CHD6: variants seen among roughly 807,000 people sequenced by gnomAD.
The protein encoded by CHD6 is chromodomain helicase DNA binding protein 6, also known as ATP-dependent chromatin remodeler CHD6.
Under a neutral mutation model 276.9 loss-of-function variants are expected in CHD6, and 50 were observed. That is an observed-to-expected ratio of 0.18 (90% CI 0.14 to 0.23). The LOEUF is 0.23. Ranked by LOEUF, CHD6 falls within the 10% of genes least tolerant of loss-of-function variation. CHD6 has a pLI of 1.00. For synonymous variants in CHD6, 1,173 were observed against 1,229.3 expected (o/e 0.95, Z 0.96); for missense variants, 2,564 against 3,365.8 (o/e 0.76, Z 5.89).
chr20:41,467,120 C>T (rs117858359), intron 17 of CHD6, among the ~76,000 whole-genome samples: 2,746 of 152,160 alleles, frequency 0.018, 36 homozygotes, highest in Non-Finnish European at 0.031. Context: ...AAAATAAACC[C>T]CTGTTTGGGA....
rs1458474314 is a variant in CHD6 at position 41,451,046 on chromosome 20, T to A, written c.3583A>T (p.Ile1195Phe). The A allele has an allele frequency of 2.5e-6, 4 of 1,614,000 alleles. No individual in the cohort carries two copies. In the Admixed American group the frequency reaches 6.7e-5, roughly 27 times the overall value. The change falls in exon 23 of 37, where the codon ATC becomes TTC. Residue 1195 changes from isoleucine to phenylalanine, a missense_variant. By Grantham distance (21) the Ile-to-Phe change is conservative. This residue lies in a region of CHD6 where 515 missense variants were observed against 739.5 expected (regional missense o/e 0.70). Coordinates refer to ENST00000373233, the MANE Select transcript of CHD6 (RefSeq NM_032221.5). ...CAATCTGCATCCTTTAGCTCTGGGA[T>A]TAGCAACTGGTTCTTCGTCTTCTTC... ...KGKKTKNQLL[I>F]PELKDADWLA...
At chr20:41,497,716 A>C in intron 7 of CHD6, 1 of 551,802 alleles carries the variant, frequency 1.8e-6, no homozygotes, top group Admixed American at 3.1e-5. Flanking sequence ...ATCTCTCTGC[A>C]GCTTCTAGAG....
intron 18 of CHD6, 51 bp downstream of exon 18, chr20:41,457,213 G>A (rs377112140): frequency 1.3e-5 from 21 of 1,581,904 alleles, no homozygotes; most frequent in Non-Finnish European, 1.8e-5. Flanking sequence ...GCCTGTCTGG[G>A]CTGTGCGACC....
At chr20:41,486,244 A>G (rs1194167498) in intron 14 of CHD6, 1 of 152,200 alleles carries the variant, frequency 6.6e-6, no homozygotes, top group Non-Finnish European at 1.5e-5. Flanking sequence ...ACCTTGAATC[A>G]TTTAGAGTTT....
chr20:41,498,807 A>ATGTGTG (rs753690840), intron 6 of CHD6, among the ~76,000 whole-genome samples: 98 of 117,724 alleles, frequency 8.3e-4, no homozygotes, highest in East Asian at 3.0e-3. Flanking sequence ...GTATGTATGT[A>ATGTGTG]TGTATGTGTG....
rs771561350 is a variant in CHD6 at position 41,413,457 on chromosome 20, C to T, written c.6998G>A (p.Gly2333Glu). 1.5e-5 allele frequency: 24 copies of T among 1,609,920 alleles called. No homozygotes were observed. The highest frequency in any genetic ancestry group is 1.2e-4 in the Admixed American group (7 of 59,634). Residue 2333 changes from glycine (G) to glutamate (E), a missense_variant, in exon 35 of 37, where the codon GGG (glycine) becomes GAG (glutamate). Physicochemically the swap from Gly to Glu is moderately conservative, Grantham distance 98. This residue lies in a region of CHD6 where 1,024 missense variants were observed against 1,047.9 expected (regional missense o/e 0.98). Transcript: ENST00000373233. ...TGGCTCAGGAGCCGAGGTGGCAGGC[C>T]CTGGCCCCTCAGGGTGTGTGGTGCT... ...TLSTTHPEGP[G>E]PATSAPEPAT...
chr20:41,599,745 A>C (rs756323499), intron 1 of CHD6, among the ~76,000 whole-genome samples: 2 of 152,210 alleles, frequency 1.3e-5, no homozygotes, highest in African/African-American at 2.4e-5. Context: ...CTTCCTGCTT[A>C]ATCTGTAATG....
Position 41,491,774 on chromosome 20 carries a change from C to T in CHD6, c.1360G>A (p.Glu454Lys). The part of the protein sequence containing the change: ...DSWQKLEKSR[E>K]YKNSNQLREY... ...CGGAGCTGGTTACTGTTCTTATACT[C>T]GCGAGACTTCTCAAGTTTCTGCCAG... Residue 454 changes from glutamate (E) to lysine (K), a missense_variant, in exon 11 of 37, where the codon GAG (glutamate) becomes AAG (lysine). Coordinates refer to ENST00000373233, the MANE Select transcript of CHD6 (RefSeq NM_032221.5). 2 of 1,613,868 alleles carry T rather than the reference C, an allele frequency of 1.2e-6. No homozygotes were observed. Among genetic ancestry groups the T allele is most frequent in the Non-Finnish European group, 1.7e-6 (2 of 1,179,844 alleles).
intron 5 of CHD6, among the ~76,000 whole-genome samples, chr20:41,504,176 G>T (rs1424812502): frequency 4.1e-5 from 6 of 145,104 alleles, no homozygotes; most frequent in African/African-American, 1.5e-4. Flanking sequence ...TGCTCTGTTT[G>T]ATTCATTCTT....
chr20:41,613,400 T>C (rs371353219), intron 1 of CHD6, among the ~76,000 whole-genome samples: 1 of 152,122 alleles, frequency 6.6e-6, no homozygotes, highest in East Asian at 1.9e-4. Flanking sequence ...GGCAGATGTG[T>C]GAAAAAGAGA....
At chr20:41,521,667 T>C (rs2044401196) in intron 3 of CHD6, among the ~76,000 whole-genome samples, 1 of 152,192 alleles carries the variant, frequency 6.6e-6, no homozygotes, top group African/African-American at 2.4e-5. Flanking sequence ...AGATGCCCTA[T>C]CAGCAATGAG....
intron 4 of CHD6, among the ~76,000 whole-genome samples, chr20:41,513,882 C>T (rs965301784): frequency 1.3e-5 from 2 of 152,188 alleles, no homozygotes; most frequent in African/African-American, 4.8e-5. Flanking sequence ...TGATGTTTTA[C>T]TTTATATGAG....
intron 1 of CHD6, among the ~76,000 whole-genome samples, chr20:41,613,989 A>G (rs919866265): frequency 6.6e-6 from 1 of 152,012 alleles, no homozygotes; most frequent in Non-Finnish European, 1.5e-5. Context: ...AGGCTTTTAC[A>G]TAAAAACAAT....
rs775124950 is a variant in CHD6, at chr20:41,421,557, T to C, written c.5078A>G (p.Asn1693Ser). 13 of 1,613,212 alleles carry C rather than the reference T, an allele frequency of 8.1e-6. No homozygotes were observed. The highest frequency in any genetic ancestry group is 1.3e-5 in the African/African-American group (1 of 75,002). Reference sequence around the variant, plus strand: ...CTCAGGCAGCAGACTTTCATCATGGTTGATGGAAATGACATCCTGAACTTT... The same window carrying C: ...CTCAGGCAGCAGACTTTCATCATGGCTGATGGAAATGACATCCTGAACTTT... ...ISKVQDVISI[N>S]HDESLLPESL... The change falls in exon 31 of 37, where the codon AAC becomes AGC. Residue 1693 changes from asparagine (N) to serine (S), a missense_variant. Asn to Ser is a conservative substitution (Grantham distance 46). This residue lies in a region of CHD6 where 1,024 missense variants were observed against 1,047.9 expected (regional missense o/e 0.98). Transcript: ENST00000373233.
chr20:41,524,170 A>G (rs1333454916), intron 3 of CHD6, among the ~76,000 whole-genome samples: 2 of 152,202 alleles, frequency 1.3e-5, no homozygotes, highest in Non-Finnish European at 1.5e-5. Flanking sequence ...TACTGAAAAC[A>G]TGGATATCAC....
At chr20:41,532,876 C>G (rs2044723032) in intron 3 of CHD6, among the ~76,000 whole-genome samples, 174 bp downstream of exon 3, 1 of 152,214 alleles carries the variant, frequency 6.6e-6, no homozygotes, top group Non-Finnish European at 1.5e-5. Flanking sequence ...AAGGACAGCC[C>G]CTTGCATTAG....
chr20:41,539,880 G>C (rs1275972835), intron 2 of CHD6, among the ~76,000 whole-genome samples: 1 of 152,196 alleles, frequency 6.6e-6, no homozygotes, highest in Non-Finnish European at 1.5e-5. Flanking sequence ...TTATTATACG[G>C]AGGTTTAAAA....
chr20:41,529,380 A>G (rs2044623849), intron 3 of CHD6, among the ~76,000 whole-genome samples: 1 of 152,166 alleles, frequency 6.6e-6, no homozygotes, highest in Non-Finnish European at 1.5e-5. Flanking sequence ...AGGCAAACAT[A>G]CAAGACTGGG....
chr20:41,514,738 G>A lies in CHD6; in HGVS notation c.702+67C>T, dbSNP rs117347751. The A allele has an allele frequency of 1.2e-5, 18 of 1,550,588 alleles. No individual in the cohort carries two copies. In the East Asian group the frequency reaches 1.6e-4, roughly 14 times the overall value. On this transcript the variant is annotated intron_variant, in intron 4 of 36. Coordinates refer to ENST00000373233, the MANE Select transcript of CHD6 (RefSeq NM_032221.5). The stretch of plus-strand genomic sequence containing the variant: ...AGAGAAAGGCATAGAGGAGCAACAC[G>A]ATCAGTGTCAGCCAGATCCCATCCA...
Sources: gnomAD v4.1 joint callset for allele counts (sites outside exome capture counted in the v4.1 genomes callset) on GRCh38, gnomAD v4.1.1 for gene constraint, gnomAD v4.1.1 regional missense constraint, MANE v1.5 for transcripts, NCBI Gene and HGNC (gene_info 2026-07-23, HGNC 2026-07-21) for gene names.